Variants in MAPK8IP1 observed in about 807,000 individuals in gnomAD.
The protein encoded by MAPK8IP1 is C-Jun-amino-terminal kinase-interacting protein 1.
In MAPK8IP1, 17 loss-of-function variants were observed where a neutral mutation model predicts 72.6. The observed-to-expected ratio is 0.23, with a 90% CI of 0.16 to 0.35. MAPK8IP1 has a LOEUF of 0.35. Among genes scored for constraint, MAPK8IP1 ranks in the 10% least tolerant of loss-of-function variants. The pLI is 1.00. For synonymous variants in MAPK8IP1, 401 were observed against 443.4 expected, an observed-to-expected ratio of 0.90 and a Z score of 1.20; for missense variants, 789 against 1,009.7, an observed-to-expected ratio of 0.78 and a Z score of 2.96.
Position 45,904,922 on chromosome 11 carries a change from C to T in MAPK8IP1, c.1894-49C>T. On this transcript the variant is annotated intron_variant, in intron 9 of 11. Transcript: ENST00000241014. This position sits in a 1 kb window ranked among gnomAD's most constrained non-coding sequence, Gnocchi z 6.4. The stretch of plus-strand genomic sequence containing the variant: ...TGAAGAGGCCATCTCCTGTCACCCT[C>T]ACTGCAGGCCAGGTGACCGCCCTCT... 1 of 1,593,804 alleles carries T rather than the reference C, an allele frequency of 6.3e-7. No individual in the cohort carries two copies. Among genetic ancestry groups the T allele is most frequent in the Non-Finnish European group, 8.6e-7 (1 of 1,161,468 alleles).
chr11:45,904,988 C>T lies in MAPK8IP1; in HGVS notation c.1911C>T (p.His637=). ...SQEAKGNKCS[H]FFQLKNISFC... ...TCCTGTAGGGGAATAAATGTAGCCACTTTTTCCAGTTAAAAAACATCTCTT... is the reference window on the plus strand; with the variant it reads ...TCCTGTAGGGGAATAAATGTAGCCATTTTTTCCAGTTAAAAAACATCTCTT... The change falls in exon 10 of 12, where the codon CAC becomes CAT. Residue 637 remains histidine (H), a synonymous_variant. Transcript: ENST00000241014. The surrounding 1 kb of genome is among the most constrained non-coding windows in gnomAD (Gnocchi z 6.4). 1.9e-6 allele frequency: 3 copies of T among 1,614,134 alleles called. No individual in the cohort carries two copies. Among genetic ancestry groups the T allele is most frequent in the Non-Finnish European group, 2.5e-6 (3 of 1,180,008 alleles).
intron 1 of MAPK8IP1, among the ~76,000 whole-genome samples, chr11:45,888,007 T>C (rs796161032): frequency 3.4e-4 from 52 of 152,336 alleles, no homozygotes; most frequent in African/African-American, 1.2e-3. Context: ...TGGCCCTTCT[T>C]ACCTGTGTGC....
In MAPK8IP1 at chr11:45,902,517, TC is replaced by T; in HGVS notation, c.755del (p.Pro252LeufsTer24). On this transcript the variant is annotated frameshift_variant, in exon 5 of 12. Coordinates refer to ENST00000241014, the MANE Select transcript of MAPK8IP1 (RefSeq NM_005456.4). LOFTEE classifies it high-confidence loss of function. This position sits in a 1 kb window ranked among gnomAD's most constrained non-coding sequence, Gnocchi z 9.3. Reference sequence around the variant, plus strand: ...CCACCCAGATGGCACCTCCGGGTGGTCCCCCTGCTGCCCCGCCTGGGGGTCG... The same window carrying T: ...CCACCCAGATGGCACCTCCGGGTGGTCCCCTGCTGCCCCGCCTGGGGGTCG... ...TATQMAPPGGPPAAPPGGRGH... is the reference protein window; with the variant it reads ...TATQMAPPGGXPAAPPGGRGH... 1 of 1,607,836 alleles carries T rather than the reference TC, an allele frequency of 6.2e-7. No homozygotes were observed. Among genetic ancestry groups the T allele is most frequent in the Non-Finnish European group, 8.5e-7 (1 of 1,178,346 alleles).
Position 45,894,481 on chromosome 11 carries a change from C to T in MAPK8IP1, c.102-3604C>T, listed in dbSNP as rs565407110. The stretch of plus-strand genomic sequence containing the variant: ...GCATTGCCCAATTAAAGCCCAGTGC[C>T]CTCAGCTGTACAGGAAGAATGCTGC... On this transcript the variant is annotated intron_variant, in intron 1 of 11. Transcript: ENST00000241014. 4.0e-5 allele frequency among the ~76,000 whole-genome samples: 6 copies of T among 151,876 alleles called. No homozygotes were observed. The South Asian group carries it at 6.2e-4, about 16-fold the overall frequency.
In MAPK8IP1 at chr11:45,902,399, T is replaced by C. The variant is rs756696872; in HGVS notation, c.632T>C (p.Ile211Thr). ...TGEQTPPHEHICLSDELPPQS... is the reference protein window; with the variant it reads ...TGEQTPPHEHTCLSDELPPQS... ...GAGCAGACACCACCGCATGAACACA[T>C]CTGCCTGAGCGATGAGCTGCCCCCC... The change falls in exon 5 of 12, where the codon ATC (isoleucine) becomes ACC (threonine). Residue 211 changes from isoleucine to threonine, a missense_variant. By Grantham distance (89) the Ile-to-Thr change is moderately conservative. Transcript: ENST00000241014. This position sits in a 1 kb window ranked among gnomAD's most constrained non-coding sequence, Gnocchi z 9.3. 2 of 1,575,484 alleles carry C rather than the reference T, an allele frequency of 1.3e-6. No homozygotes were observed. The highest frequency in any genetic ancestry group is 1.2e-5 in the South Asian group (1 of 86,604).
intron 1 of MAPK8IP1, among the ~76,000 whole-genome samples, chr11:45,890,941 C>T (rs76984207): frequency 0.019 from 2,902 of 152,114 alleles, 106 homozygotes; most frequent in African/African-American, 0.066. Context: ...GAGCAGAGGG[C>T]AGGAAGATGG....
At chr11:45,899,651 G>A (rs2086634207) in intron 2 of MAPK8IP1, among the ~76,000 whole-genome samples, 1 of 152,010 alleles carries the variant, frequency 6.6e-6, no homozygotes, top group Non-Finnish European at 1.5e-5. Context: ...CCTCCCCCTC[G>A]GCGTCTCCTT....
chr11:45,905,596 T>G, intron 11 of MAPK8IP1, 53 bp from the exon 12 acceptor site: 2 of 1,516,034 alleles, frequency 1.3e-6, no homozygotes, highest in Non-Finnish European at 1.8e-6. Flanking sequence ...CGGGATCCTG[T>G]TCCTCCCTTG....
At chr11:45,894,441 C>A (rs1194867731) in intron 1 of MAPK8IP1, among the ~76,000 whole-genome samples, 1 of 152,208 alleles carries the variant, frequency 6.6e-6, no homozygotes, top group Non-Finnish European at 1.5e-5. Context: ...GACCCCCAGC[C>A]CAGTATTCTT....
In MAPK8IP1 at chr11:45,900,037, C is replaced by G. The variant is rs2086637631; in HGVS notation, c.208-101C>G. 2 of 756,846 alleles carry G rather than the reference C, an allele frequency of 2.6e-6. No homozygotes were observed. Among genetic ancestry groups the G allele is most frequent in the Non-Finnish European group, 3.4e-6 (2 of 583,758 alleles). The allele number at this position is 756,846 out of a possible 1,614,324, so 46.9% of individuals were successfully genotyped here. On this transcript the variant is annotated intron_variant, in intron 2 of 11. Transcript: ENST00000241014. The surrounding 1 kb of genome is among the most constrained non-coding windows in gnomAD (Gnocchi z 6.5). ...CCCCTGCTCGGCTCCCCTCGTGCCCCCTTCGCGCCACAGAATGGACTCGCC... is the reference window on the plus strand; with the variant it reads ...CCCCTGCTCGGCTCCCCTCGTGCCCGCTTCGCGCCACAGAATGGACTCGCC...
intron 1 of MAPK8IP1, chr11:45,896,655 G>A: frequency 1.4e-6 from 2 of 1,402,228 alleles, no homozygotes; most frequent in Non-Finnish European, 1.9e-6. Flanking sequence ...GCGCTGGGAA[G>A]AGCTGGGGCT....
In MAPK8IP1 at chr11:45,905,854, C is replaced by T; in HGVS notation, c.*133C>T. On this transcript the variant is annotated 3_prime_UTR_variant, in exon 12 of 12. Transcript: ENST00000241014. The stretch of plus-strand genomic sequence containing the variant: ...AGGACAAGGAAGTGGGGGCCGCTGG[C>T]CCAGGGTAGGGGAGGGTGGGGCAAT... The T allele has an allele frequency of 1.1e-6, 1 of 874,656 alleles. No individual in the cohort carries two copies. Among genetic ancestry groups the T allele is most frequent in the East Asian group, 2.4e-5 (1 of 41,472 alleles). The allele number at this position is 874,656 out of a possible 1,614,324, so 54.2% of individuals were successfully genotyped here.
intron 1 of MAPK8IP1, among the ~76,000 whole-genome samples, chr11:45,895,713 C>T (rs1240637724): frequency 3.3e-5 from 5 of 150,754 alleles, no homozygotes; most frequent in East Asian, 2.0e-4. Context: ...TCTGGGTCAG[C>T]GGTCCTGCAG....
chr11:45,886,309 G>A (rs949793464), intron 1 of MAPK8IP1, among the ~76,000 whole-genome samples: 2 of 152,272 alleles, frequency 1.3e-5, no homozygotes, highest in African/African-American at 4.8e-5. Flanking sequence ...ACAGCCTGGA[G>A]GGGCGCGGGT....
At chr11:45,892,092 G>T (rs1338867682) in intron 1 of MAPK8IP1, among the ~76,000 whole-genome samples, 1 of 152,200 alleles carries the variant, frequency 6.6e-6, no homozygotes. Flanking sequence ...GTTTTCGTTG[G>T]AGATGACCTC....
At chr11:45,888,999 G>A (rs2086547320) in intron 1 of MAPK8IP1, among the ~76,000 whole-genome samples, 1 of 152,090 alleles carries the variant, frequency 6.6e-6, no homozygotes, top group Non-Finnish European at 1.5e-5. Context: ...CACGCCCAGT[G>A]TCATACTTTT....
chr11:45,892,571 G>A (rs530419625), intron 1 of MAPK8IP1, among the ~76,000 whole-genome samples: 9 of 152,300 alleles, frequency 5.9e-5, no homozygotes, highest in African/African-American at 1.2e-4. Flanking sequence ...ATAGCAGGGC[G>A]GTTTGGCTTG....
At chr11:45,886,606 C>T (rs1464161591) in intron 1 of MAPK8IP1, among the ~76,000 whole-genome samples, 1 of 152,138 alleles carries the variant, frequency 6.6e-6, no homozygotes, top group African/African-American at 2.4e-5. Context: ...GGGGTAAATA[C>T]CCAGAACCCT....
chr11:45,886,618 A>G (rs929038231), intron 1 of MAPK8IP1, among the ~76,000 whole-genome samples: 8 of 152,082 alleles, frequency 5.3e-5, no homozygotes, highest in African/African-American at 1.9e-4. Flanking sequence ...CAGAACCCTG[A>G]CCTGAGCTCC....
Sources: allele counts gnomAD v4.1 joint callset (sites outside exome capture counted in the v4.1 genomes callset), GRCh38; gene constraint gnomAD v4.1.1; non-coding constraint Gnocchi (gnomAD v3.1); transcripts MANE v1.5; gene names NCBI Gene and HGNC (gene_info 2026-07-23, HGNC 2026-07-21).